Variants in COX7B2 observed in about 807,000 individuals in gnomAD.
The protein encoded by COX7B2 is cytochrome c oxidase subunit 7B2.
For missense variants in COX7B2, 109 were observed against 95.9 expected (o/e 1.14, Z -0.57); for synonymous variants, 37 against 32.1 (o/e 1.15, Z -0.51).
At chr4:46,824,112 G>A (rs1281516003) in intron 2 of COX7B2, among the ~76,000 whole-genome samples, 1 of 152,036 alleles carries the variant, frequency 6.6e-6, no homozygotes, top group Non-Finnish European at 1.5e-5. Context: ...CCAAGACGGA[G>A]CTAGTAAGAA....
intron 2 of COX7B2, among the ~76,000 whole-genome samples, chr4:46,844,056 T>C (rs1716112837): frequency 6.6e-6 from 1 of 151,954 alleles, no homozygotes; most frequent in African/African-American, 2.4e-5. Context: ...AACATTTGGG[T>C]TATTTAGTTT....
intron 1 of COX7B2, among the ~76,000 whole-genome samples, chr4:46,907,410 C>G (rs889389978): frequency 2.6e-5 from 4 of 152,120 alleles, no homozygotes; most frequent in African/African-American, 9.7e-5. Flanking sequence ...ACGCTAGCAC[C>G]TAAAATCCTA....
intron 2 of COX7B2, among the ~76,000 whole-genome samples, chr4:46,804,560 C>T (rs1057066718): frequency 1.3e-5 from 2 of 152,100 alleles, no homozygotes; most frequent in African/African-American, 4.8e-5. Flanking sequence ...TCCAACTCCC[C>T]ACCAGAGTAG....
Position 46,857,874 on chromosome 4 carries a change from TTTTG to T in COX7B2, c.-104-12864_-104-12861del, listed in dbSNP as rs1717092479. 2.6e-5 allele frequency among the ~76,000 whole-genome samples: 4 copies of T among 152,176 alleles called. No individual in the cohort carries two copies. The South Asian group carries it at 8.3e-4, about 31-fold the overall frequency. On this transcript the variant is annotated intron_variant, in intron 1 of 2. Transcript: ENST00000355591. Reference sequence around the variant, plus strand: ...ATAAGAGCTTTTTTGTGTTGTTTTGTTTTGTTTCTCTGTGTTTCTCTTCTTTATA... The same window carrying T: ...ATAAGAGCTTTTTTGTGTTGTTTTGTTTTCTCTGTGTTTCTCTTCTTTATA...
chr4:46,871,449 A>G (rs1056719184), intron 1 of COX7B2, among the ~76,000 whole-genome samples: 12 of 152,194 alleles, frequency 7.9e-5, no homozygotes, highest in African/African-American at 2.9e-4. Flanking sequence ...CATTACAAAG[A>G]CACCAAAAGC....
At chr4:46,797,946 A>C (rs944207756) in intron 2 of COX7B2, among the ~76,000 whole-genome samples, 2 of 152,056 alleles carry the variant, frequency 1.3e-5, no homozygotes, top group Non-Finnish European at 2.9e-5. Flanking sequence ...ATATAACTTC[A>C]CTGTTCTACC....
intron 2 of COX7B2, among the ~76,000 whole-genome samples, chr4:46,785,592 A>G (rs1422095304): frequency 6.6e-6 from 1 of 152,220 alleles, no homozygotes; most frequent in African/African-American, 2.4e-5. Flanking sequence ...ATCTTTTAAA[A>G]GATTAGATTT....
chr4:46,839,307 C>T (rs1195738898), intron 2 of COX7B2, among the ~76,000 whole-genome samples: 1 of 151,966 alleles, frequency 6.6e-6, no homozygotes. Context: ...CTGTTTACTG[C>T]CCTCATTGTT....
chr4:46,781,985 G>A (rs1373058797), intron 2 of COX7B2, among the ~76,000 whole-genome samples: 1 of 152,144 alleles, frequency 6.6e-6, no homozygotes, highest in African/African-American at 2.4e-5. Context: ...TCCCTGATGG[G>A]CGCCGCCCCC....
At chr4:46,812,829 C>T (rs916030115) in intron 2 of COX7B2, among the ~76,000 whole-genome samples, 1 of 152,196 alleles carries the variant, frequency 6.6e-6, no homozygotes, top group African/African-American at 2.4e-5. Context: ...GCCTCTGGAT[C>T]ACTGGGTTCA....
chr4:46,773,546 T>C (rs1292013118), intron 2 of COX7B2, among the ~76,000 whole-genome samples: 1 of 152,092 alleles, frequency 6.6e-6, no homozygotes, highest in Non-Finnish European at 1.5e-5. Context: ...AATGGACTAA[T>C]ACATAAGGAA....
intron 2 of COX7B2, among the ~76,000 whole-genome samples, chr4:46,788,625 C>A (rs1212448595): frequency 6.6e-6 from 1 of 152,092 alleles, no homozygotes; most frequent in African/African-American, 2.4e-5. Flanking sequence ...TATCTACATA[C>A]ATATTTACAG....
At chr4:46,866,537 G>GTGAC (rs771725104) in intron 1 of COX7B2, among the ~76,000 whole-genome samples, 11 of 151,954 alleles carry the variant, frequency 7.2e-5, no homozygotes, top group Non-Finnish European at 1.5e-4. Context: ...CTCCTCTGAG[G>GTGAC]GTCACTGTCT....
intron 2 of COX7B2, among the ~76,000 whole-genome samples, chr4:46,820,341 G>A (rs1315695798): frequency 2.0e-5 from 3 of 152,154 alleles, no homozygotes; most frequent in Admixed American, 6.5e-5. Context: ...CTGATCTGAC[G>A]GGAGGTGGAA....
Position 46,790,721 on chromosome 4 carries a change from C to T in COX7B2, c.-50+54239G>A, listed in dbSNP as rs188006646. On this transcript the variant is annotated intron_variant, in intron 2 of 2. Transcript: ENST00000355591. ...AAATCTGGTCAAAGAAGGCAGTATACTAACAGTCTCACTGGAGTCTGATGA... is the reference window on the plus strand; with the variant it reads ...AAATCTGGTCAAAGAAGGCAGTATATTAACAGTCTCACTGGAGTCTGATGA... Among the ~76,000 whole-genome samples the T allele has an allele frequency of 1.2e-3, 188 of 152,298 alleles. 1 individual carries two copies. Among genetic ancestry groups the T allele is most frequent in the African/African-American group, 4.3e-3 (177 of 41,568 alleles).
intron 2 of COX7B2, among the ~76,000 whole-genome samples, chr4:46,758,528 G>T (rs1158705643): frequency 6.6e-6 from 1 of 152,068 alleles, no homozygotes; most frequent in Non-Finnish European, 1.5e-5. Context: ...GATATTACAA[G>T]GGAAAAATAA....
At chr4:46,816,666 CT>C (rs1433749707) in intron 2 of COX7B2, among the ~76,000 whole-genome samples, 2 of 152,082 alleles carry the variant, frequency 1.3e-5, no homozygotes, top group African/African-American at 2.4e-5. Flanking sequence ...CATTAGGATG[CT>C]TTTCCACAGG....
intron 2 of COX7B2, among the ~76,000 whole-genome samples, chr4:46,757,031 A>C (rs1390689723): frequency 6.6e-6 from 1 of 152,112 alleles, no homozygotes; most frequent in Non-Finnish European, 1.5e-5. Flanking sequence ...ATATGGATGG[A>C]ATCAACCTAA....
rs951549686 is a variant in COX7B2 at position 46,829,101 on chromosome 4, A to G, written c.-50+15859T>C. Among the ~76,000 whole-genome samples, 187 of 152,200 alleles carry G rather than the reference A, an allele frequency of 1.2e-3. 4 individuals are homozygous for G. The highest frequency in any genetic ancestry group is 1.6e-3 in the Admixed American group (24 of 15,276). ...TCTTTCTGCATATTAAAATGGATAC[A>G]GCATTCCTTGGGAAACATCAAAGTC... On this transcript the variant is annotated intron_variant, in intron 2 of 2. Coordinates refer to ENST00000355591, the MANE Select transcript of COX7B2 (RefSeq NM_130902.3).
Sources: allele counts gnomAD v4.1 joint callset (sites outside exome capture counted in the v4.1 genomes callset), GRCh38; gene constraint gnomAD v4.1.1; transcripts MANE v1.5; gene names NCBI Gene and HGNC (gene_info 2026-07-23, HGNC 2026-07-21).